DNAI4: variants seen among roughly 807,000 people sequenced by gnomAD.
DNAI4 encodes WD repeat domain 78.
A neutral mutation model predicts 105.8 loss-of-function variants in DNAI4; 85 were observed. The ratio of observed to expected loss-of-function variants is 0.80; its 90% CI spans 0.67 to 0.96. The LOEUF (loss-of-function observed/expected upper bound fraction) is 0.96, where lower values mean the gene tolerates loss of function less well. Among genes scored for constraint, DNAI4 ranks in the 40% least tolerant of loss-of-function variants. The pLI, the probability that DNAI4 is intolerant of heterozygous loss-of-function variation, is 0.00. For missense variants in DNAI4, 1,014 were observed against 1,005.6 expected (o/e 1.01, Z -0.11); for synonymous variants, 352 against 331.5 (o/e 1.06, Z -0.67).
At chr1:66,865,283 G>C (rs906813584) in intron 6 of DNAI4, among the ~76,000 whole-genome samples, 1 of 152,062 alleles carries the variant, frequency 6.6e-6, no homozygotes, top group African/African-American at 2.4e-5. Flanking sequence ...AATTAGCCCA[G>C]CATGGTGGCA....
chr1:66,901,799 T>G (rs1171006443), intron 2 of DNAI4, among the ~76,000 whole-genome samples: 1 of 152,240 alleles, frequency 6.6e-6, no homozygotes, highest in African/African-American at 2.4e-5. Context: ...TTTCCTTTTT[T>G]CTTTTGAGAA....
At chr1:66,855,364 T>G (rs1163190437) in intron 7 of DNAI4, among the ~76,000 whole-genome samples, 1 of 152,260 alleles carries the variant, frequency 6.6e-6, no homozygotes, top group African/African-American at 2.4e-5. Context: ...CCTTCTGAGA[T>G]CTGTGAGTAT....
chr1:66,840,002 A>G (rs1646114803), intron 9 of DNAI4, among the ~76,000 whole-genome samples: 2 of 152,216 alleles, frequency 1.3e-5, no homozygotes. Context: ...GCTCTTGCTA[A>G]TATCGGTGGT....
chr1:66,821,830 T>G (rs1274089728), intron 16 of DNAI4, among the ~76,000 whole-genome samples: 1 of 152,096 alleles, frequency 6.6e-6, no homozygotes, highest in Non-Finnish European at 1.5e-5. Context: ...AAATGAAAAT[T>G]TTAAATTGAA....
At chr1:66,833,519 GA>G in intron 13 of DNAI4, 65 bp downstream of exon 13, 1 of 1,563,088 alleles carries the variant, frequency 6.4e-7, no homozygotes, top group Middle Eastern at 1.7e-4. Context: ...CTTGTTTTAT[GA>G]CTTAATACAC....
intron 1 of DNAI4, among the ~76,000 whole-genome samples, chr1:66,912,747 C>T (rs920051022): frequency 9.2e-5 from 14 of 152,302 alleles, no homozygotes; most frequent in African/African-American, 3.1e-4. Context: ...TGAGACCTGT[C>T]TCAAATTTTT....
At position 66,911,960 on chromosome 1, in the gene DNAI4, G is replaced by A. The variant is rs570758557; in HGVS notation, c.171-6585C>T. 5.3e-5 allele frequency among the ~76,000 whole-genome samples: 8 copies of A among 152,304 alleles called. No individual in the cohort carries two copies. In the East Asian group the frequency reaches 1.5e-3, roughly 29 times the overall value. On this transcript the variant is annotated intron_variant, in intron 1 of 16. Coordinates refer to ENST00000371026, the MANE Select transcript of DNAI4 (RefSeq NM_024763.5). The stretch of plus-strand genomic sequence containing the variant: ...AGGTTCAAGTGATTCTCCTGCCTCA[G>A]TCTCCCAAGTAGCTGGGATTATATG...
chr1:66,912,146 T>TG (rs1247533576), intron 1 of DNAI4, among the ~76,000 whole-genome samples: 6 of 152,200 alleles, frequency 3.9e-5, no homozygotes, highest in African/African-American at 1.4e-4. Flanking sequence ...AGCTGATAGA[T>TG]GCATTTTCTG....
At chr1:66,821,455 T>C (rs1188833648) in intron 16 of DNAI4, among the ~76,000 whole-genome samples, 1 of 152,202 alleles carries the variant, frequency 6.6e-6, no homozygotes, top group African/African-American at 2.4e-5. Flanking sequence ...TCCAAAAAGT[T>C]ATACCGATTT....
At chr1:66,919,376 C>G (rs1184337604) in intron 1 of DNAI4, among the ~76,000 whole-genome samples, 5 of 152,234 alleles carry the variant, frequency 3.3e-5, no homozygotes, top group Non-Finnish European at 4.4e-5. Flanking sequence ...AGTTCTTCCT[C>G]TATTTAAGGA....
chr1:66,844,968 C>T (rs373702949), intron 8 of DNAI4, among the ~76,000 whole-genome samples: 35 of 151,904 alleles, frequency 2.3e-4, no homozygotes, highest in East Asian at 7.8e-4. Context: ...CTGAGGAGGG[C>T]GGATCACCTG....
At chr1:66,891,022 C>A (rs1647589469) in intron 4 of DNAI4, 132 bp downstream of exon 4, 4 of 763,944 alleles carry the variant, frequency 5.2e-6, no homozygotes, top group Non-Finnish European at 9.0e-6. Context: ...TGGTAATTCT[C>A]TTGAAGCGAC....
At chr1:66,850,203 G>A (rs1646368473) in intron 7 of DNAI4, among the ~76,000 whole-genome samples, 1 of 151,490 alleles carries the variant, frequency 6.6e-6, no homozygotes, top group South Asian at 2.1e-4. Context: ...ATCTTTAGGG[G>A]GAAAATACTT....
At chr1:66,816,821 G>A (rs1645527749) in intron 16 of DNAI4, among the ~76,000 whole-genome samples, 1 of 150,480 alleles carries the variant, frequency 6.6e-6, no homozygotes, top group Non-Finnish European at 1.5e-5. Flanking sequence ...CTTTCTGCTT[G>A]TAGAGCATAC....
intron 1 of DNAI4, among the ~76,000 whole-genome samples, chr1:66,915,432 A>G (rs1649992520): frequency 6.6e-6 from 1 of 152,214 alleles, no homozygotes; most frequent in African/African-American, 2.4e-5. Flanking sequence ...TAATTTTGCA[A>G]TGGCGGTTTC....
At chr1:66,898,803 GCCA>G (rs1328343831) in intron 2 of DNAI4, among the ~76,000 whole-genome samples, 1 of 152,098 alleles carries the variant, frequency 6.6e-6, no homozygotes, top group Non-Finnish European at 1.5e-5. Context: ...CCAGCCCTAC[GCCA>G]CCACTAGTAT....
At chr1:66,841,329 T>G (rs923886049) in intron 8 of DNAI4, among the ~76,000 whole-genome samples, 1 of 152,210 alleles carries the variant, frequency 6.6e-6, no homozygotes, top group Non-Finnish European at 1.5e-5. Context: ...AGTAAATGGC[T>G]TCTGGTTGTT....
At chr1:66,907,221 C>A (rs2100839834) in intron 1 of DNAI4, among the ~76,000 whole-genome samples, 1 of 152,292 alleles carries the variant, frequency 6.6e-6, no homozygotes, top group Non-Finnish European at 1.5e-5. Flanking sequence ...GCTGACCATT[C>A]CTTCTTAAAA....
chr1:66,861,106 T>A (rs1646616379), intron 7 of DNAI4, among the ~76,000 whole-genome samples: 1 of 152,116 alleles, frequency 6.6e-6, no homozygotes, highest in South Asian at 2.1e-4. Flanking sequence ...GTCTTTGGGA[T>A]CTATAGTCTC....
Sources: allele counts gnomAD v4.1 joint callset (sites outside exome capture counted in the v4.1 genomes callset), GRCh38; gene constraint gnomAD v4.1.1; transcripts MANE v1.5; gene names NCBI Gene and HGNC (gene_info 2026-07-23, HGNC 2026-07-21).